The following OCIAD2 variants were observed in gnomAD, a reference collection of about 807,000 sequenced individuals.
OCIAD2 encodes the protein OCIA domain-containing protein 2.
A neutral mutation model predicts 22.9 loss-of-function variants in OCIAD2; 29 were observed. The ratio of observed to expected loss-of-function variants is 1.27; its 90% CI spans 0.94 to 1.73. OCIAD2 has a LOEUF of 1.73. OCIAD2 is among the 40% of genes most tolerant of loss of function. The probability of loss-of-function intolerance (pLI) is 0.00; values close to 1 mark genes in which losing one functional copy is unlikely to be tolerated. For missense variants in OCIAD2, 189 were observed against 180.3 expected (o/e 1.05, Z -0.28); for synonymous variants, 67 against 60.2 (o/e 1.11, Z -0.52).
chr4:48,904,900 T>TCCAAAA (rs1781494822), intron 1 of OCIAD2, among the ~76,000 whole-genome samples: 1 of 152,092 alleles, frequency 6.6e-6, no homozygotes, highest in African/African-American at 2.4e-5. Context: ...ATCACCGCTG[T>TCCAAAA]GAAGGAATTC....
intron 6 of OCIAD2, among the ~76,000 whole-genome samples, chr4:48,887,113 G>A (rs1342680223): frequency 6.6e-6 from 1 of 152,146 alleles, no homozygotes; most frequent in Non-Finnish European, 1.5e-5. Flanking sequence ...ATTTTTTCAT[G>A]TGTCTTTTGG....
intron 2 of OCIAD2, among the ~76,000 whole-genome samples, chr4:48,902,468 T>C (rs527679793): frequency 3.3e-5 from 5 of 152,166 alleles, no homozygotes; most frequent in Non-Finnish European, 7.3e-5. Flanking sequence ...CAAGGCACAG[T>C]GCAAAGATGC....
intron 2 of OCIAD2, among the ~76,000 whole-genome samples, chr4:48,901,579 C>T (rs891906872): frequency 2.0e-4 from 30 of 152,280 alleles, no homozygotes; most frequent in African/African-American, 5.5e-4. Context: ...TCTTTGATAA[C>T]GAATGTGTTT....
In OCIAD2 at chr4:48,904,578, T is replaced by C. The variant is rs1360925747; in HGVS notation, c.-29A>G. 4.4e-6 allele frequency: 7 copies of C among 1,604,932 alleles called. No individual in the cohort carries two copies. In the African/African-American group the frequency reaches 9.4e-5, roughly 21 times the overall value. ...GACTTTGTGCTTGCTCTCCTTCCAG[T>C]TGTTTATCCTCTGCTTACTCCTTGA... On this transcript the variant is annotated 5_prime_UTR_variant, in exon 2 of 7. Transcript: ENST00000508632.
At chr4:48,902,004 T>A (rs1288153015) in intron 2 of OCIAD2, among the ~76,000 whole-genome samples, 1 of 152,042 alleles carries the variant, frequency 6.6e-6, no homozygotes, top group East Asian at 1.9e-4. Flanking sequence ...TGGACTCAAG[T>A]GTTTGTCCCG....
chr4:48,894,606 A>G (rs1227237877), intron 4 of OCIAD2, among the ~76,000 whole-genome samples: 1 of 152,222 alleles, frequency 6.6e-6, no homozygotes, highest in Non-Finnish European at 1.5e-5. Context: ...AAATAATATG[A>G]AAAAGACAGT....
At chr4:48,906,442 T>C (rs1417076293) in intron 1 of OCIAD2, among the ~76,000 whole-genome samples, 1 of 152,164 alleles carries the variant, frequency 6.6e-6, no homozygotes, top group Non-Finnish European at 1.5e-5. Flanking sequence ...GGAGTCAGCC[T>C]ACTGGAGTCC....
chr4:48,895,256 C>T (rs1038589142), intron 4 of OCIAD2, among the ~76,000 whole-genome samples: 3 of 152,146 alleles, frequency 2.0e-5, no homozygotes, highest in African/African-American at 7.2e-5. Flanking sequence ...TTTTAAGTCA[C>T]TCTGTGGTAA....
At chr4:48,897,750 C>A in intron 4 of OCIAD2, 54 bp downstream of exon 4, 3 of 1,358,930 alleles carry the variant, frequency 2.2e-6, no homozygotes, top group Non-Finnish European at 3.2e-6. Flanking sequence ...CCAGGAGGGT[C>A]ACAGTAAACT....
At position 48,885,186 on chromosome 4, in the gene OCIAD2, A is replaced by C. The variant is rs2109660977; in HGVS notation, c.*298T>G. 1 of 237,932 alleles carries C rather than the reference A, an allele frequency of 4.2e-6. No individual in the cohort carries two copies. The highest frequency in any genetic ancestry group is 9.9e-5 in the East Asian group (1 of 10,086). The allele number at this position is 237,932 out of a possible 1,614,324, so 14.7% of individuals were successfully genotyped here. A position where few individuals can be genotyped will look rare whatever the true frequency, so the allele number is the denominator to read the frequency against. ...ATATTTTTAGCAGAGATGGGGTTTC[A>C]CCATGTTGGCCAAGCTGGTCATGAA... On this transcript the variant is annotated 3_prime_UTR_variant, in exon 7 of 7. Coordinates refer to ENST00000508632, the MANE Select transcript of OCIAD2 (RefSeq NM_001014446.3).
chr4:48,904,021 A>C (rs1385114722), intron 2 of OCIAD2, among the ~76,000 whole-genome samples: 1 of 152,162 alleles, frequency 6.6e-6, no homozygotes, highest in African/African-American at 2.4e-5. Context: ...CTGAAAACAC[A>C]CTTTCCTTCC....
intron 2 of OCIAD2, 36 bp from the exon 3 acceptor site, chr4:48,899,961 C>A: frequency 1.3e-6 from 2 of 1,502,068 alleles, no homozygotes; most frequent in South Asian, 1.1e-5. Context: ...TAACTGAGGT[C>A]ATTGAAAAAT....
intron 6 of OCIAD2, among the ~76,000 whole-genome samples, chr4:48,891,695 G>A (rs995001673): frequency 2.0e-5 from 3 of 152,166 alleles, no homozygotes; most frequent in Admixed American, 1.3e-4. Context: ...TGCACAGACC[G>A]GAATCATGTG....
chr4:48,894,858 C>T (rs1198394329), intron 4 of OCIAD2, among the ~76,000 whole-genome samples: 1 of 151,952 alleles, frequency 6.6e-6, no homozygotes, highest in African/African-American at 2.4e-5. Flanking sequence ...TTAGAGATAC[C>T]CACATCCGAA....
chr4:48,887,901 G>A (rs1289113422), intron 6 of OCIAD2, among the ~76,000 whole-genome samples: 2 of 152,082 alleles, frequency 1.3e-5, no homozygotes, highest in Non-Finnish European at 2.9e-5. Context: ...TGATGGGGAT[G>A]GCATTGAATC....
intron 3 of OCIAD2, among the ~76,000 whole-genome samples, chr4:48,899,375 G>A (rs1469757646): frequency 1.3e-5 from 2 of 152,090 alleles, no homozygotes; most frequent in South Asian, 2.1e-4. Context: ...TTAATGGAAC[G>A]CGGCCATTCT....
At position 48,897,804 on chromosome 4, in the gene OCIAD2, C is replaced by T; in HGVS notation, c.217G>A (p.Gly73Ser). The T allele has an allele frequency of 6.2e-7, 1 of 1,608,040 alleles. No homozygotes were observed. Among genetic ancestry groups the T allele is most frequent in the African/African-American group, 1.3e-5 (1 of 74,850 alleles). ...TTATTTAACAAATATTGAATCTTAC[C>T]TTGGTAGACTAGTCCCTGGGTGACA... ...MLVTQGLVYQ[G>S]YLAANSRFGS... Residue 73 changes from glycine to serine, a missense_variant and splice_region_variant, in exon 4 of 7, where the codon GGT becomes AGT. Coordinates refer to ENST00000508632, the MANE Select transcript of OCIAD2 (RefSeq NM_001014446.3).
chr4:48,888,638 T>G (rs918770320), intron 6 of OCIAD2, among the ~76,000 whole-genome samples: 1 of 152,178 alleles, frequency 6.6e-6, no homozygotes, highest in African/African-American at 2.4e-5. Context: ...TAGATTATGT[T>G]TATTGATTTG....
intron 4 of OCIAD2, among the ~76,000 whole-genome samples, chr4:48,896,164 G>A (rs1781296916): frequency 6.6e-6 from 1 of 152,128 alleles, no homozygotes; most frequent in Admixed American, 6.5e-5. Flanking sequence ...TTTAATATAT[G>A]ACCTTTATGG....
Sources: allele counts gnomAD v4.1 joint callset (sites outside exome capture counted in the v4.1 genomes callset), GRCh38; gene constraint gnomAD v4.1.1; transcripts MANE v1.5; gene names NCBI Gene and HGNC (gene_info 2026-07-23, HGNC 2026-07-21).